ABCB5: variants seen among roughly 807,000 people sequenced by gnomAD.
The protein encoded by ABCB5 is ATP binding cassette subfamily B member 5.
A neutral mutation model predicts 144.2 loss-of-function variants in ABCB5; 155 were observed. That is an observed-to-expected ratio of 1.08 (90% CI 0.94 to 1.23). The LOEUF is 1.23. ABCB5 is among the 50% of genes most tolerant of loss of function. ABCB5 has a pLI of 0.00. For synonymous variants in ABCB5, 610 were observed against 528.6 expected (o/e 1.15, Z -2.11); for missense variants, 1,830 against 1,520.8 (o/e 1.20, Z -3.38).
At chr7:20,623,188 GA>G in intron 1 of ABCB5, 76 bp from the exon 2 acceptor site, 1 of 839,570 alleles carries the variant, frequency 1.2e-6, no homozygotes, top group Non-Finnish European at 1.9e-6. Context: ...AGAGATGTGG[GA>G]TGTAAAGAAT....
At chr7:20,666,186 A>AG (rs1181220698) in intron 14 of ABCB5, among the ~76,000 whole-genome samples, 2 of 151,844 alleles carry the variant, frequency 1.3e-5, no homozygotes, top group East Asian at 3.9e-4. Flanking sequence ...AAAAAAAAAA[A>AG]AAAGTTGACG....
At chr7:20,744,625 G>C (rs929432755) in intron 25 of ABCB5, among the ~76,000 whole-genome samples, 1 of 150,874 alleles carries the variant, frequency 6.6e-6, no homozygotes, top group Non-Finnish European at 1.5e-5. Flanking sequence ...CATGGGGGGA[G>C]GGGGGAGGGA....
rs746009093 is a variant in ABCB5 at position 20,745,425 on chromosome 7, A to C, written c.3416A>C (p.Glu1139Ala). 1.2e-6 allele frequency: 2 copies of C among 1,614,178 alleles called. No homozygotes were observed. The highest frequency in any genetic ancestry group is 1.7e-6 in the Non-Finnish European group (2 of 1,180,038). The change falls in exon 26 of 28, where the codon GAA (glutamate) becomes GCA (alanine). Residue 1139 changes from glutamate (E) to alanine (A), a missense_variant. Glu to Ala is a moderately radical substitution (Grantham distance 107). Transcript: ENST00000404938. ...GCAGCAAATATCCATTCTTTTATTG[A>C]AGGTCTCCCTGAGGTAAGAAAATTT... ...ANAANIHSFI[E>A]GLPEKYNTQV...
At chr7:20,741,511 C>G (rs186964538) in intron 24 of ABCB5, among the ~76,000 whole-genome samples, 1 of 151,988 alleles carries the variant, frequency 6.6e-6, no homozygotes, top group Non-Finnish European at 1.5e-5. Context: ...AAAATACTCA[C>G]TACACTAAAA....
At chr7:20,710,390 G>GC (rs1429594735) in intron 20 of ABCB5, among the ~76,000 whole-genome samples, 1 of 117,360 alleles carries the variant, frequency 8.5e-6, no homozygotes, top group East Asian at 3.3e-4. Context: ...AAGTGGGGGG[G>GC]GGGCATGACT....
At position 20,748,138 on chromosome 7, in the gene ABCB5, G is replaced by T. The variant is rs146079280; in HGVS notation, c.3429+2700G>T. Among the ~76,000 whole-genome samples, 200 of 152,276 alleles carry T rather than the reference G, an allele frequency of 1.3e-3. 1 individual carries two copies. The highest frequency in any genetic ancestry group is 4.5e-3 in the African/African-American group (185 of 41,544). On this transcript the variant is annotated intron_variant, in intron 26 of 27. Coordinates refer to ENST00000404938, the MANE Select transcript of ABCB5 (RefSeq NM_001163941.2). ...TGTGCTATCCTGAAGGGACGGAAAG[G>T]GTTCGTAACCATGGTGGTCCTAGGG...
intron 5 of ABCB5, among the ~76,000 whole-genome samples, chr7:20,640,960 T>C (rs7793193): frequency 0.35 from 53,007 of 151,940 alleles, 9,519 homozygotes; most frequent in African/African-American, 0.43. Context: ...TCTTTTCCTA[T>C]ACTTAATTCT....
At chr7:20,638,521 C>T (rs2128021449) in intron 5 of ABCB5, among the ~76,000 whole-genome samples, 1 of 152,284 alleles carries the variant, frequency 6.6e-6, no homozygotes, top group South Asian at 2.1e-4. Flanking sequence ...TCCCTATTCC[C>T]ATGCCCAGCT....
chr7:20,698,760 G>A (rs1786510281), intron 17 of ABCB5, among the ~76,000 whole-genome samples: 1 of 152,120 alleles, frequency 6.6e-6, no homozygotes, highest in African/African-American at 2.4e-5. Context: ...CTTGTTGACT[G>A]GGCAATCAGT....
intron 19 of ABCB5, among the ~76,000 whole-genome samples, chr7:20,704,379 C>T (rs1057037898): frequency 6.6e-6 from 1 of 151,982 alleles, no homozygotes; most frequent in African/African-American, 2.4e-5. Flanking sequence ...GCCTTCATCG[C>T]CTTACTTTTG....
chr7:20,689,181 G>C lies in ABCB5; in HGVS notation c.2010+3345G>C, dbSNP rs1052781588. Among the ~76,000 whole-genome samples the C allele has an allele frequency of 2.6e-5, 4 of 152,232 alleles. No homozygotes were observed. In the South Asian group the frequency reaches 8.3e-4, roughly 32 times the overall value. On this transcript the variant is annotated intron_variant, in intron 16 of 27. Coordinates refer to ENST00000404938, the MANE Select transcript of ABCB5 (RefSeq NM_001163941.2). ...ACCTCTAAAGAATACAGAAGTAGCA[G>C]ATAAAAGTAGCACCCCACTACCGCT...
At chr7:20,715,646 G>C (rs1473474460) in intron 20 of ABCB5, among the ~76,000 whole-genome samples, 1 of 152,064 alleles carries the variant, frequency 6.6e-6, no homozygotes, top group African/African-American at 2.4e-5. Flanking sequence ...CTGGGCTCAA[G>C]TGATCCTCCC....
chr7:20,669,873 A>G (rs1785407349), intron 14 of ABCB5, among the ~76,000 whole-genome samples: 1 of 50 alleles, frequency 0.02, no homozygotes. Context: ...TACCAACCCA[A>G]CAACAGTTTC....
intron 15 of ABCB5, among the ~76,000 whole-genome samples, chr7:20,685,328 G>T (rs1369438053): frequency 6.6e-6 from 1 of 152,096 alleles, no homozygotes; most frequent in Non-Finnish European, 1.5e-5. Context: ...ATACTACAAG[G>T]TCATAAGCCC....
At chr7:20,648,330 G>GA (rs1784475886) in intron 11 of ABCB5, among the ~76,000 whole-genome samples, 1 of 152,100 alleles carries the variant, frequency 6.6e-6, no homozygotes, top group African/African-American at 2.4e-5. Context: ...CTGGGTTTGG[G>GA]AACACACCTA....
chr7:20,744,019 T>C (rs2128055658), intron 25 of ABCB5, among the ~76,000 whole-genome samples: 1 of 152,256 alleles, frequency 6.6e-6, no homozygotes, highest in Admixed American at 6.5e-5. Context: ...CACGTCATCA[T>C]GCACTGTGCT....
intron 23 of ABCB5, among the ~76,000 whole-genome samples, chr7:20,735,062 C>G (rs957964887): frequency 6.6e-6 from 1 of 152,206 alleles, no homozygotes; most frequent in Non-Finnish European, 1.5e-5. Context: ...GCAAAGCTTT[C>G]TCTATCTCTG....
At chr7:20,665,000 T>G (rs1562548959) in intron 14 of ABCB5, among the ~76,000 whole-genome samples, 1 of 152,262 alleles carries the variant, frequency 6.6e-6, no homozygotes, top group African/African-American at 2.4e-5. Context: ...AATTTTATGT[T>G]ATCTCTAATT....
At chr7:20,717,978 T>TG (rs1214146798) in intron 20 of ABCB5, among the ~76,000 whole-genome samples, 1 of 130,948 alleles carries the variant, frequency 7.6e-6, no homozygotes, top group Non-Finnish European at 1.6e-5. Context: ...CTCGGCTCAT[T>TG]GCAAGCTCCA....
Sources: allele counts gnomAD v4.1 joint callset (sites outside exome capture counted in the v4.1 genomes callset), GRCh38; gene constraint gnomAD v4.1.1; transcripts MANE v1.5; gene names NCBI Gene and HGNC (gene_info 2026-07-23, HGNC 2026-07-21).